Variants in PCARE observed in about 807,000 individuals in gnomAD.
PCARE encodes the protein uncharacterized protein C2orf71.
A neutral mutation model predicts 82.2 loss-of-function variants in PCARE; 72 were observed. The observed-to-expected ratio is 0.88, with a 90% CI of 0.72 to 1.07. The LOEUF (loss-of-function observed/expected upper bound fraction) is 1.07. Ranked by LOEUF, PCARE falls within the 50% of genes least tolerant of loss-of-function variation. The probability of loss-of-function intolerance (pLI) is 0.00; values close to 1 mark genes in which losing one functional copy is unlikely to be tolerated. For missense variants in PCARE, 1,768 were observed against 1,592.4 expected (o/e 1.11, Z -1.88); for synonymous variants, 705 against 634.8 (o/e 1.11, Z -1.66).
chr2:29,068,668 G>A (rs1482927690), intron 1 of PCARE, among the ~76,000 whole-genome samples: 1 of 152,158 alleles, frequency 6.6e-6, no homozygotes, highest in African/African-American at 2.4e-5. Context: ...CCCCATTGCG[G>A]CTGCATGCCT....
At chr2:29,070,535 C>T (rs759637625) in intron 1 of PCARE, 59 bp downstream of exon 1, 157 of 1,605,812 alleles carry the variant, frequency 9.8e-5, no homozygotes, top group Non-Finnish European at 1.2e-4. Context: ...TTGGCCCATT[C>T]GCTCTGTTCC....
Position 29,071,066 on chromosome 2 carries a change from C to A in PCARE, c.3196G>T (p.Ala1066Ser). Residue 1066 changes from alanine to serine, a missense_variant, in exon 1 of 2, where the codon GCT becomes TCT. By Grantham distance (99) the Ala-to-Ser change is moderately conservative. Coordinates refer to ENST00000331664, the MANE Select transcript of PCARE (RefSeq NM_001029883.3). Reference sequence around the variant, plus strand: ...GGGGGGCTGGGGACCTTGCACTGAGCAGGTGCACTCTCGGGGGGAGGGTTG... The same window carrying A: ...GGGGGGCTGGGGACCTTGCACTGAGAAGGTGCACTCTCGGGGGGAGGGTTG... ...LPNPPPESAP[A>S]QCKVPSPPTQ... 1 of 1,517,320 alleles carries A rather than the reference C, an allele frequency of 6.6e-7. No homozygotes were observed. Among genetic ancestry groups the A allele is most frequent in the Non-Finnish European group, 8.8e-7 (1 of 1,134,684 alleles). 94.0% of individuals were successfully genotyped at this position (1,517,320 alleles called of 1,614,324 possible). A position where few individuals can be genotyped will look rare whatever the true frequency, so the allele number is the denominator to read the frequency against.
chr2:29,064,492 G>A lies in PCARE; in HGVS notation c.*377C>T, dbSNP rs1191628806. ...TGCGCAAAACTGAAGAATGCTATGT[G>A]CTTCATTCACTGTTGTGAGGCTTAA... On this transcript the variant is annotated 3_prime_UTR_variant, in exon 2 of 2. Coordinates refer to ENST00000331664, the MANE Select transcript of PCARE (RefSeq NM_001029883.3). 2.7e-6 allele frequency: 1 copy of A among 366,958 alleles called. No homozygotes were observed. Among genetic ancestry groups the A allele is most frequent in the African/African-American group, 2.1e-5 (1 of 48,664 alleles). The allele number at this position is 366,958 out of a possible 1,614,324, so 22.7% of individuals were successfully genotyped here.
In PCARE at chr2:29,071,139, TG is replaced by T. The variant is rs758613515; in HGVS notation, c.3122del (p.Pro1041HisfsTer72). 1.3e-6 allele frequency: 2 copies of T among 1,579,334 alleles called. No individual in the cohort carries two copies. The highest frequency in any genetic ancestry group is 2.4e-5 in the South Asian group (2 of 84,580). On this transcript the variant is annotated frameshift_variant, in exon 1 of 2. Coordinates refer to ENST00000331664, the MANE Select transcript of PCARE (RefSeq NM_001029883.3). LOFTEE classifies it high-confidence loss of function. Reference sequence around the variant, plus strand: ...GGGAAGTTCGCCGCTTTGTGGTGGGTGGGCTTAGCACCCTGGGGCTCACAGG... The same window carrying T: ...GGGAAGTTCGCCGCTTTGTGGTGGGTGGCTTAGCACCCTGGGGCTCACAGG... ...SPPVSPRVLSPPTTKRRTSPP... is the reference protein window; with the variant it reads ...SPPVSPRVLSXPTTKRRTSPP...
At position 29,073,485 on chromosome 2, in the gene PCARE, C is replaced by G. The variant is rs1558490167; in HGVS notation, c.777G>C (p.Glu259Asp). ...EDLAWPLKKR[E>D]PQEQPNLLQQ... The stretch of plus-strand genomic sequence containing the variant: ...GCAGGAGATTTGGCTGCTCCTGGGG[C>G]TCTCTTTTCTTCAAAGGCCAAGCCA... The change falls in exon 1 of 2, where the codon GAG becomes GAC. Residue 259 changes from glutamate (E) to aspartate (D), a missense_variant. By Grantham distance (45) the Glu-to-Asp change is conservative. Coordinates refer to ENST00000331664, the MANE Select transcript of PCARE (RefSeq NM_001029883.3). 6.2e-7 allele frequency: 1 copy of G among 1,614,158 alleles called. No homozygotes were observed. The highest frequency in any genetic ancestry group is 8.5e-7 in the Non-Finnish European group (1 of 1,180,024).
At chr2:29,070,431 G>A (rs1410107065) in intron 1 of PCARE, among the ~76,000 whole-genome samples, 163 bp downstream of exon 1, 2 of 152,200 alleles carry the variant, frequency 1.3e-5, no homozygotes, top group Admixed American at 6.5e-5. Context: ...CAAGGTTGGA[G>A]AGTGGGGGAG....
intron 1 of PCARE, among the ~76,000 whole-genome samples, chr2:29,066,148 TAAAATA>T (rs1398928134): frequency 6.6e-6 from 1 of 151,994 alleles, no homozygotes; most frequent in Non-Finnish European, 1.5e-5. Context: ...AACTCTGTCT[TAAAATA>T]AAAATAAAAA....
Position 29,072,783 on chromosome 2 carries a change from C to G in PCARE, c.1479G>C (p.Glu493Asp), listed in dbSNP as rs1424647638. The G allele has an allele frequency of 1.2e-6, 2 of 1,609,422 alleles. No individual in the cohort carries two copies. Among genetic ancestry groups the G allele is most frequent in the Non-Finnish European group, 1.7e-6 (2 of 1,176,164 alleles). The change falls in exon 1 of 2, where the codon GAG becomes GAC. Residue 493 changes from glutamate to aspartate, a missense_variant. Physicochemically the swap from Glu to Asp is conservative, Grantham distance 45. Coordinates refer to ENST00000331664, the MANE Select transcript of PCARE (RefSeq NM_001029883.3). ...DSEDSSPEEE[E>D]EDKMSSMSLC... is the part of the protein sequence containing the mutation. ...GACTCATGCTGCTCATTTTGTCTTCCTCCTCCTCCTCTGGGCTGCTGTCCT... is the reference window on the plus strand; with the variant it reads ...GACTCATGCTGCTCATTTTGTCTTCGTCCTCCTCCTCTGGGCTGCTGTCCT...
chr2:29,067,342 G>A lies in PCARE; in HGVS notation c.3669-2275C>T, dbSNP rs143088906. Among the ~76,000 whole-genome samples, 692 of 152,282 alleles carry A rather than the reference G, an allele frequency of 4.5e-3. 5 individuals are homozygous for A. Among genetic ancestry groups the A allele is most frequent in the African/African-American group, 0.016 (649 of 41,568 alleles). ...CAAAGGCTTGATATGCTTACAGCAG[G>A]TGCACTTCTGCTCCCAGATGCCAAC... is the stretch of plus-strand genomic sequence containing the variant. On this transcript the variant is annotated intron_variant, in intron 1 of 1. Coordinates refer to ENST00000331664, the MANE Select transcript of PCARE (RefSeq NM_001029883.3).
At position 29,063,220 on chromosome 2, in the gene PCARE, C is replaced by G. The variant is rs941175812; in HGVS notation, c.*1649G>C. Reference sequence around the variant, plus strand: ...TTCCCTGCGTTGCCTGCAGTCCAGGCAGCTCCTAAGTGTCCACCCAGCAGT... The same window carrying G: ...TTCCCTGCGTTGCCTGCAGTCCAGGGAGCTCCTAAGTGTCCACCCAGCAGT... On this transcript the variant is annotated 3_prime_UTR_variant, in exon 2 of 2. Coordinates refer to ENST00000331664, the MANE Select transcript of PCARE (RefSeq NM_001029883.3). 3 of 152,342 alleles carry G rather than the reference C, an allele frequency of 2.0e-5. No homozygotes were observed. The highest frequency in any genetic ancestry group is 4.4e-5 in the Non-Finnish European group (3 of 68,122). 9.4% of individuals were successfully genotyped at this position (152,342 alleles called of 1,614,324 possible).
At position 29,071,850 on chromosome 2, in the gene PCARE, GAT is replaced by G; in HGVS notation, c.2410_2411del (p.Ile804LeufsTer6). 1 of 1,614,250 alleles carries G rather than the reference GAT, an allele frequency of 6.2e-7. No homozygotes were observed. The highest frequency in any genetic ancestry group is 8.5e-7 in the Non-Finnish European group (1 of 1,180,040). On this transcript the variant is annotated frameshift_variant, in exon 1 of 2. Coordinates refer to ENST00000331664, the MANE Select transcript of PCARE (RefSeq NM_001029883.3). LOFTEE classifies it high-confidence loss of function. ...CTTCTGCTTTAGGCAGAGGGGGAAA[GAT>G]AGGTGCTAAGGGCTTCCAGCCTATG... ...MGIGWKPLAP[I>X]FPPLPKAEAA... is the part of the protein sequence containing the mutation.
chr2:29,070,613 A>G lies in PCARE; in HGVS notation c.3649T>C (p.Ser1217Pro). The part of the protein sequence containing the change: ...TLDPTSTSYE[S>P]QLGQNSSSEE... The stretch of plus-strand genomic sequence containing the variant: ...CCTTACCTGTTCTGGCCGAGCTGGG[A>G]TTCATAAGAGGTGCTGGTGGGGTCC... The change falls in exon 1 of 2, where the codon TCC becomes CCC. Residue 1217 changes from serine to proline, a missense_variant. Transcript: ENST00000331664. 6.2e-7 allele frequency: 1 copy of G among 1,613,912 alleles called. No individual in the cohort carries two copies. The highest frequency in any genetic ancestry group is 1.1e-5 in the South Asian group (1 of 91,074).
rs780768745 is a variant in PCARE, at chr2:29,073,902, A to C, written c.360T>G (p.Gly120=). 1.5e-5 allele frequency: 24 copies of C among 1,614,052 alleles called. No individual in the cohort carries two copies. Among genetic ancestry groups the C allele is most frequent in the Non-Finnish European group, 2.0e-5 (24 of 1,180,024 alleles). ...MAKDIPFKTQ[G]SHGSQGADFS... is the part of the protein sequence containing the mutation. ...AGTCTGCCCCTTGTGATCCATGGGA[A>C]CCCTGTGTCTTGAACGGAATATCCT... is the stretch of plus-strand genomic sequence containing the variant. Residue 120 remains glycine (G), a synonymous_variant, in exon 1 of 2, where the codon GGT becomes GGG. Coordinates refer to ENST00000331664, the MANE Select transcript of PCARE (RefSeq NM_001029883.3).
chr2:29,074,095 C>T lies in PCARE; in HGVS notation c.167G>A (p.Gly56Asp). 1.9e-6 allele frequency: 3 copies of T among 1,614,206 alleles called. No homozygotes were observed. Among genetic ancestry groups the T allele is most frequent in the Non-Finnish European group, 2.5e-6 (3 of 1,180,044 alleles). The part of the protein sequence containing the change: ...KNSTCYDAGE[G>D]LAEEQPSPRR... The stretch of plus-strand genomic sequence containing the variant: ...GGGACTTGGCTGCTCCTCTGCCAGG[C>T]CCTCCCCAGCGTCATAGCAGGTGGA... The change falls in exon 1 of 2, where the codon GGC becomes GAC. Residue 56 changes from glycine to aspartate, a missense_variant. Gly to Asp is a moderately conservative substitution (Grantham distance 94). Coordinates refer to ENST00000331664, the MANE Select transcript of PCARE (RefSeq NM_001029883.3).
rs765663419 is a variant in PCARE, at chr2:29,072,213, G to A, written c.2049C>T (p.Ser683=). Residue 683 remains serine (S), a synonymous_variant, in exon 1 of 2, where the codon AGC becomes AGT. Coordinates refer to ENST00000331664, the MANE Select transcript of PCARE (RefSeq NM_001029883.3). ...GATGGGGATTGCATTTCTGCAAGAT[G>A]CTCTTGTCCTGACTAGGCAAAATAC... ...NFSILPSQDK[S]ILQKCNPHPE... The A allele has an allele frequency of 6.2e-7, 1 of 1,614,220 alleles. No individual in the cohort carries two copies. The highest frequency in any genetic ancestry group is 2.2e-5 in the East Asian group (1 of 44,886).
In PCARE at chr2:29,064,743, C is replaced by T. The variant is rs1468333829; in HGVS notation, c.*126G>A. On this transcript the variant is annotated 3_prime_UTR_variant, in exon 2 of 2. Transcript: ENST00000331664. The stretch of plus-strand genomic sequence containing the variant: ...CAGACCCACTGGGCAGTGCACCTTC[C>T]AGGCCTTTCCAGGACACCTCAGTAG... The T allele has an allele frequency of 1.6e-6, 2 of 1,284,416 alleles. No individual in the cohort carries two copies. Among genetic ancestry groups the T allele is most frequent in the Non-Finnish European group, 2.2e-6 (2 of 915,332 alleles). The allele number at this position is 1,284,416 out of a possible 1,614,324, so 79.6% of individuals were successfully genotyped here.
intron 1 of PCARE, among the ~76,000 whole-genome samples, chr2:29,067,428 T>G (rs1165525098): frequency 6.6e-6 from 1 of 152,122 alleles, no homozygotes; most frequent in Non-Finnish European, 1.5e-5. Context: ...GCTCACAGTG[T>G]GGGAAGGCTT....
chr2:29,073,304 G>A lies in PCARE; in HGVS notation c.958C>T (p.Arg320Cys), dbSNP rs374283240. 1.3e-4 allele frequency: 205 copies of A among 1,613,982 alleles called. No individual in the cohort carries two copies. The highest frequency in any genetic ancestry group is 3.7e-4 in the Admixed American group (22 of 60,006). ...KLSTKRNVDERLLRALRQLES... is the reference protein window; with the variant it reads ...KLSTKRNVDECLLRALRQLES... ...AGCTGCCTCAGAGCCCTCAGGAGGCGTTCATCCACATTCCTTTTTGTGCTC... is the reference window on the plus strand; with the variant it reads ...AGCTGCCTCAGAGCCCTCAGGAGGCATTCATCCACATTCCTTTTTGTGCTC... The change falls in exon 1 of 2, where the codon CGC (arginine) becomes TGC (cysteine). Residue 320 changes from arginine to cysteine, a missense_variant. Physicochemically the swap from Arg to Cys is radical, Grantham distance 180. Coordinates refer to ENST00000331664, the MANE Select transcript of PCARE (RefSeq NM_001029883.3).
Position 29,070,856 on chromosome 2 carries a change from G to A in PCARE, c.3406C>T (p.Pro1136Ser). 2 of 1,613,960 alleles carry A rather than the reference G, an allele frequency of 1.2e-6. No homozygotes were observed. The highest frequency in any genetic ancestry group is 1.7e-6 in the Non-Finnish European group (2 of 1,180,032). The change falls in exon 1 of 2, where the codon CCA (proline) becomes TCA (serine). Residue 1136 changes from proline (P) to serine (S), a missense_variant. Pro to Ser is a moderately conservative substitution (Grantham distance 74, BLOSUM62 -1). Transcript: ENST00000331664. Reference protein sequence around the residue: ...ATSSLFEAKPPLSTAHPLTPP... With the variant: ...ATSSLFEAKPSLSTAHPLTPP... Reference sequence around the variant, plus strand: ...GTCAGTGGGTGGGCTGTTGAGAGTGGCGGTTTAGCTTCAAACAGAGAGGAG... The same window carrying A: ...GTCAGTGGGTGGGCTGTTGAGAGTGACGGTTTAGCTTCAAACAGAGAGGAG...
Sources: gnomAD v4.1 joint callset for allele counts (sites outside exome capture counted in the v4.1 genomes callset) on GRCh38, gnomAD v4.1.1 for gene constraint, MANE v1.5 for transcripts, NCBI Gene and HGNC (gene_info 2026-07-23, HGNC 2026-07-21) for gene names.